Variants in ADCK1 observed in about 807,000 individuals in gnomAD.
ADCK1 encodes aarF domain containing kinase 1, also known as aarF domain-containing protein kinase 1.
Under a neutral mutation model 52.3 loss-of-function variants are expected in ADCK1, and 41 were observed. The ratio of observed to expected loss-of-function variants is 0.78; its 90% CI spans 0.61 to 1.02. The LOEUF (loss-of-function observed/expected upper bound fraction) is 1.02. Among genes scored for constraint, ADCK1 ranks in the 50% least tolerant of loss-of-function variants. The probability of loss-of-function intolerance (pLI) is 0.00; values close to 1 mark genes in which losing one functional copy is unlikely to be tolerated. For synonymous variants in ADCK1, 250 were observed against 274.6 expected (o/e 0.91, Z 0.89); for missense variants, 658 against 679.5 (o/e 0.97, Z 0.35).
At chr14:77,821,517 C>G (rs907640738) in intron 2 of ADCK1, among the ~76,000 whole-genome samples, 1 of 152,122 alleles carries the variant, frequency 6.6e-6, no homozygotes, top group African/African-American at 2.4e-5. Context: ...TAAGGCCCTT[C>G]CATGCCTAGG....
intron 3 of ADCK1, among the ~76,000 whole-genome samples, chr14:77,836,594 A>T (rs719049): frequency 6.6e-6 from 1 of 151,736 alleles, no homozygotes; most frequent in Admixed American, 6.6e-5. Context: ...ATTCTCCTAC[A>T]TTTCTTAAGG....
intron 6 of ADCK1, among the ~76,000 whole-genome samples, chr14:77,900,031 C>G (rs1350482812): frequency 6.9e-6 from 1 of 145,704 alleles, no homozygotes; most frequent in African/African-American, 2.6e-5. Flanking sequence ...GATCACGCCA[C>G]TGCATTCAGG....
At chr14:77,927,638 C>T (rs527652404) in intron 9 of ADCK1, among the ~76,000 whole-genome samples, 34 of 152,178 alleles carry the variant, frequency 2.2e-4, no homozygotes, top group African/African-American at 2.9e-4. Flanking sequence ...AGTAAGGGGG[C>T]GGAGCAGCAC....
intron 1 of ADCK1, 85 bp from the exon 2 acceptor site, chr14:77,818,883 T>C (rs1319210662): frequency 6.8e-7 from 1 of 1,470,058 alleles, no homozygotes; most frequent in African/African-American, 1.4e-5. Flanking sequence ...ATAATCTAAG[T>C]GGTAGAGCTG....
chr14:77,805,319 T>C (rs28434370), intron 1 of ADCK1, among the ~76,000 whole-genome samples: 3,776 of 125,790 alleles, frequency 0.03, 185 homozygotes, highest in African/African-American at 0.1. Context: ...TGGAGTGTAG[T>C]GGCACGATCT....
At chr14:77,902,467 T>G (rs2083567841) in intron 6 of ADCK1, 1 of 152,254 alleles carries the variant, frequency 6.6e-6, no homozygotes, top group Non-Finnish European at 1.5e-5. Flanking sequence ...AGTGAAAACT[T>G]GGCTCTTTGA....
Position 77,906,707 on chromosome 14 carries a change from G to C in ADCK1, c.742-1096G>C, listed in dbSNP as rs576419794. Among the ~76,000 whole-genome samples, 6 of 152,264 alleles carry C rather than the reference G, an allele frequency of 3.9e-5. No individual in the cohort carries two copies. The South Asian group carries it at 1.2e-3, about 32-fold the overall frequency. On this transcript the variant is annotated intron_variant, in intron 6 of 10. Coordinates refer to ENST00000238561, the MANE Select transcript of ADCK1 (RefSeq NM_020421.4). ...TTTTCCTCATTGTTGCAAGATGGCT[G>C]CTACAGCACCAACAGTCACATTCAC...
intron 3 of ADCK1, among the ~76,000 whole-genome samples, chr14:77,823,196 T>C (rs2081618297): frequency 6.6e-6 from 1 of 152,130 alleles, no homozygotes; most frequent in Non-Finnish European, 1.5e-5. Flanking sequence ...TTTGTGGATG[T>C]AGGTTGAGTT....
intron 4 of ADCK1, among the ~76,000 whole-genome samples, chr14:77,881,592 A>G (rs2083025972): frequency 6.6e-6 from 1 of 152,188 alleles, no homozygotes; most frequent in Non-Finnish European, 1.5e-5. Context: ...GATTCTGTTA[A>G]CACCTATCAG....
At chr14:77,846,413 C>A (rs2082174833) in intron 3 of ADCK1, among the ~76,000 whole-genome samples, 1 of 152,112 alleles carries the variant, frequency 6.6e-6, no homozygotes, top group African/African-American at 2.4e-5. Context: ...CCCAGGGAAG[C>A]CTTGAGAAGC....
intron 4 of ADCK1, among the ~76,000 whole-genome samples, chr14:77,880,580 C>T (rs1445725864): frequency 6.6e-6 from 1 of 152,166 alleles, no homozygotes; most frequent in African/African-American, 2.4e-5. Context: ...TGAGGCAGAG[C>T]AGCTGTTGAG....
At chr14:77,824,933 A>T (rs1410605195) in intron 3 of ADCK1, among the ~76,000 whole-genome samples, 1 of 152,198 alleles carries the variant, frequency 6.6e-6, no homozygotes, top group Non-Finnish European at 1.5e-5. Flanking sequence ...GGCTGATTAC[A>T]TCTTCAAAGT....
At chr14:77,926,370 G>A (rs1440262597) in intron 9 of ADCK1, among the ~76,000 whole-genome samples, 1 of 152,184 alleles carries the variant, frequency 6.6e-6, no homozygotes, top group African/African-American at 2.4e-5. Context: ...GTCCTGCCTG[G>A]CACTGTCTCC....
chr14:77,907,961 G>T, intron 7 of ADCK1, 42 bp downstream of exon 7: 1 of 1,580,710 alleles, frequency 6.3e-7, no homozygotes, highest in Non-Finnish European at 8.7e-7. Context: ...GGGAACGTGG[G>T]CTTGGTCAAG....
chr14:77,840,276 G>A (rs2082039758), intron 3 of ADCK1, among the ~76,000 whole-genome samples: 1 of 152,018 alleles, frequency 6.6e-6, no homozygotes, highest in African/African-American at 2.4e-5. Context: ...CTCACTGGGA[G>A]AAAATTAAGG....
chr14:77,893,081 G>GT (rs2083316840), intron 5 of ADCK1, among the ~76,000 whole-genome samples: 1 of 152,172 alleles, frequency 6.6e-6, no homozygotes, highest in Non-Finnish European at 1.5e-5. Flanking sequence ...AGCCAGGGAT[G>GT]TTTTTTCAGC....
At chr14:77,893,918 G>C (rs1466661873) in intron 5 of ADCK1, among the ~76,000 whole-genome samples, 3 of 152,014 alleles carry the variant, frequency 2.0e-5, no homozygotes, top group Admixed American at 2.0e-4. Context: ...ATTTTTAGTA[G>C]AGACGGGGTT....
rs967102983 is a variant in ADCK1 at position 77,819,233 on chromosome 14, G to C, written c.135+120G>C. 9.6e-5 allele frequency: 135 copies of C among 1,408,918 alleles called. No homozygotes were observed. In the Admixed American group the frequency reaches 2.8e-3, roughly 29 times the overall value. 87.3% of individuals were successfully genotyped at this position (1,408,918 alleles called of 1,614,324 possible). Reference sequence around the variant, plus strand: ...TGGAGATACTTGTGTATCCTTACATGTGCAAAAGCTACATCTGCACAGGTG... The same window carrying C: ...TGGAGATACTTGTGTATCCTTACATCTGCAAAAGCTACATCTGCACAGGTG... On this transcript the variant is annotated intron_variant, in intron 2 of 10. Transcript: ENST00000238561.
At chr14:77,888,336 G>A (rs766049223) in intron 5 of ADCK1, among the ~76,000 whole-genome samples, 4 of 152,146 alleles carry the variant, frequency 2.6e-5, no homozygotes, top group Non-Finnish European at 5.9e-5. Flanking sequence ...ACAGAACACG[G>A]GGGGTTTGTA....
Sources: gnomAD v4.1 joint callset for allele counts (sites outside exome capture counted in the v4.1 genomes callset) on GRCh38, gnomAD v4.1.1 for gene constraint, MANE v1.5 for transcripts, NCBI Gene and HGNC (gene_info 2026-07-23, HGNC 2026-07-21) for gene names.